BAZ1A: variants seen among roughly 807,000 people sequenced by gnomAD.
BAZ1A encodes bromodomain adjacent to zinc finger domain protein 1A.
BAZ1A carries 50 observed loss-of-function variants against 185.2 expected under a neutral mutation model. The ratio of observed to expected loss-of-function variants is 0.27; its 90% CI spans 0.22 to 0.34. The LOEUF is 0.34. BAZ1A is among the 10% of genes least tolerant of loss of function. The probability of loss-of-function intolerance (pLI) is 1.00; values close to 1 mark genes in which losing one functional copy is unlikely to be tolerated. For missense variants in BAZ1A, 1,356 were observed against 1,839.9 expected, an observed-to-expected ratio of 0.74 and a Z score of 4.81; for synonymous variants, 571 against 615.6, an observed-to-expected ratio of 0.93 and a Z score of 1.07.
chr14:34,805,659 C>T (rs1881815561), intron 6 of BAZ1A, among the ~76,000 whole-genome samples: 1 of 152,300 alleles, frequency 6.6e-6, no homozygotes, highest in South Asian at 2.1e-4. Context: ...TGAATCTTAT[C>T]AAGGCAGATA....
At chr14:34,869,347 G>A (rs901644221) in intron 2 of BAZ1A, among the ~76,000 whole-genome samples, 9 of 152,132 alleles carry the variant, frequency 5.9e-5, no homozygotes, top group Admixed American at 1.3e-4. Context: ...GATCCTAGAA[G>A]AATAACCAGT....
rs765670997 is a variant in BAZ1A at position 34,765,157 on chromosome 14, C to T, written c.3413G>A (p.Arg1138His). Residue 1138 changes from arginine (R) to histidine (H), a missense_variant, in exon 22 of 27, where the codon CGT (arginine) becomes CAT (histidine). This residue lies in a region of BAZ1A where 11 missense variants were observed against 34.6 expected (regional missense o/e 0.32). Transcript: ENST00000360310. Reference protein sequence around the residue: ...QVFLHLSTLDRSVIWSKSILN... With the variant: ...QVFLHLSTLDHSVIWSKSILN... ...TATAGATTTAGACCATATCACGCTA[C>T]GATCCAAGGTGGATAGGTGAAGAAA... 16 of 1,614,004 alleles carry T rather than the reference C, an allele frequency of 9.9e-6. No homozygotes were observed. The highest frequency in any genetic ancestry group is 1.6e-4 in the Middle Eastern group (1 of 6,084).
intron 3 of BAZ1A, among the ~76,000 whole-genome samples, chr14:34,838,195 T>C (rs1372559260): frequency 2.6e-5 from 4 of 152,214 alleles, no homozygotes. Flanking sequence ...AACACTTCCG[T>C]TATATGCATC....
chr14:34,844,793 A>G (rs1453870684), intron 3 of BAZ1A, among the ~76,000 whole-genome samples: 1 of 151,318 alleles, frequency 6.6e-6, no homozygotes, highest in African/African-American at 2.4e-5. Flanking sequence ...ACACACACAC[A>G]CACACACACA....
rs556979966 is a variant in BAZ1A at position 34,842,765 on chromosome 14, C to CT, written c.393-16610dup. On this transcript the variant is annotated intron_variant, in intron 3 of 26. Coordinates refer to ENST00000360310, the MANE Select transcript of BAZ1A (RefSeq NM_013448.3). ...AACAGGGCTCTGGTTCTGATACTGC[C>CT]TGTGCTTGAAAACATCATCACTCAT... Among the ~76,000 whole-genome samples the CT allele has an allele frequency of 6.4e-4, 98 of 152,270 alleles. 2 individuals carry two copies. Among genetic ancestry groups the CT allele is most frequent in the African/African-American group, 2.3e-3 (95 of 41,540 alleles).
chr14:34,850,346 C>T (rs1245760759), intron 3 of BAZ1A, among the ~76,000 whole-genome samples: 1 of 152,186 alleles, frequency 6.6e-6, no homozygotes, highest in Non-Finnish European at 1.5e-5. Context: ...CCACTGCACT[C>T]CAGCCTGGGC....
chr14:34,874,506 G>A lies in BAZ1A; in HGVS notation c.99C>T (p.Ile33=), dbSNP rs750978537. ...CCGGCTCTTACTCGTAGTGGCGGAA[G>A]ATCTCGTTGGTGACTTTACAGTAGA... ...EVFYCKVTNE[I]FRHYDDFFER... Residue 33 remains isoleucine (I), a synonymous_variant, in exon 2 of 27, where the codon ATC becomes ATT. Transcript: ENST00000360310. This position sits in a 1 kb window ranked among gnomAD's most constrained non-coding sequence, Gnocchi z 4.7. 6.2e-7 allele frequency: 1 copy of A among 1,612,724 alleles called. No individual in the cohort carries two copies.
intron 3 of BAZ1A, among the ~76,000 whole-genome samples, chr14:34,836,762 T>G (rs1042199758): frequency 2.0e-5 from 3 of 152,046 alleles, no homozygotes; most frequent in Non-Finnish European, 4.4e-5. Flanking sequence ...GTTTATGTGA[T>G]ATCTCATTTT....
intron 24 of BAZ1A, among the ~76,000 whole-genome samples, chr14:34,760,018 A>G (rs1886454617): frequency 6.6e-6 from 1 of 152,126 alleles, no homozygotes; most frequent in East Asian, 1.9e-4. Context: ...GAAAAGCAAA[A>G]TGCTTCCTCA....
intron 24 of BAZ1A, 121 bp from the exon 25 acceptor site, chr14:34,758,967 G>GT (rs1886391063): frequency 2.2e-6 from 2 of 919,582 alleles, no homozygotes; most frequent in Non-Finnish European, 3.2e-6. Context: ...ACACTGAGAT[G>GT]TTAACTATTT....
At chr14:34,815,976 A>C (rs1311094678) in intron 4 of BAZ1A, among the ~76,000 whole-genome samples, 1 of 151,868 alleles carries the variant, frequency 6.6e-6, no homozygotes, top group African/African-American at 2.4e-5. Flanking sequence ...AATAACACTC[A>C]GATTTCATTT....
chr14:34,828,293 C>CAA (rs369878009), intron 3 of BAZ1A, among the ~76,000 whole-genome samples: 17,268 of 83,064 alleles, frequency 0.21, 1,941 homozygotes, highest in Admixed American at 0.28. Context: ...AACTCCGTCT[C>CAA]AAAAAAAAAA....
At chr14:34,757,954 A>G (rs1409027610) in intron 25 of BAZ1A, among the ~76,000 whole-genome samples, 34 of 151,024 alleles carry the variant, frequency 2.3e-4, no homozygotes, top group Admixed American at 4.6e-4. Flanking sequence ...TCACTGTGTT[A>G]GCCAGGATGG....
intron 12 of BAZ1A, among the ~76,000 whole-genome samples, chr14:34,788,426 C>T (rs1399220628): frequency 6.6e-6 from 1 of 152,194 alleles, no homozygotes; most frequent in East Asian, 1.9e-4. Context: ...ACCTCGGCCT[C>T]CCCAGTAGCT....
intron 4 of BAZ1A, among the ~76,000 whole-genome samples, chr14:34,821,248 G>A (rs1170823276): frequency 3.9e-5 from 6 of 152,202 alleles, no homozygotes; most frequent in East Asian, 3.9e-4. Context: ...TCCTAATTCC[G>A]AACTTCCATT....
chr14:34,847,527 A>G (rs2042534175), intron 3 of BAZ1A, among the ~76,000 whole-genome samples: 1 of 151,970 alleles, frequency 6.6e-6, no homozygotes, highest in African/African-American at 2.4e-5. Context: ...CTGCTAATCT[A>G]TATTTTTTTC....
chr14:34,775,692 T>C (rs1403990621), intron 18 of BAZ1A, among the ~76,000 whole-genome samples: 3 of 152,242 alleles, frequency 2.0e-5, no homozygotes, highest in South Asian at 2.1e-4. Flanking sequence ...TGTTATACCA[T>C]AGATGTGTTC....
At chr14:34,781,827 A>G (rs1387920361) in intron 16 of BAZ1A, among the ~76,000 whole-genome samples, 4 of 152,176 alleles carry the variant, frequency 2.6e-5, no homozygotes, top group Non-Finnish European at 5.9e-5. Flanking sequence ...ATATTTTCAA[A>G]GTTCATCCAC....
chr14:34,787,160 T>C (rs78786712), intron 12 of BAZ1A, among the ~76,000 whole-genome samples: 84,970 of 147,910 alleles, frequency 0.57, 24,468 homozygotes, highest in South Asian at 0.67. Flanking sequence ...TGAGAACATC[T>C]TGGCCAACAT....
Sources: gnomAD v4.1 joint callset for allele counts (sites outside exome capture counted in the v4.1 genomes callset) on GRCh38, gnomAD v4.1.1 for gene constraint, gnomAD v4.1.1 regional missense constraint, Gnocchi (gnomAD v3.1) non-coding constraint, MANE v1.5 for transcripts, NCBI Gene and HGNC (gene_info 2026-07-23, HGNC 2026-07-21) for gene names.